KIAA1755: variants seen among roughly 807,000 people sequenced by gnomAD.
KIAA1755 encodes the protein KIAA1755.
KIAA1755 carries 68 observed loss-of-function variants against 91.7 expected under a neutral mutation model. The ratio of observed to expected loss-of-function variants is 0.74; its 90% confidence interval spans 0.61 to 0.91. The LOEUF is 0.91. Among genes scored for constraint, KIAA1755 ranks in the 40% least tolerant of loss-of-function variants. The pLI, the probability that KIAA1755 is intolerant of heterozygous loss-of-function variation, is 0.00. For missense variants in KIAA1755, 1,535 were observed against 1,494.4 expected, an observed-to-expected ratio of 1.03 and a Z score of -0.45; for synonymous variants, 610 against 604.6, an observed-to-expected ratio of 1.01 and a Z score of -0.13.
At chr20:38,234,686 C>G (rs2075927398) in intron 4 of KIAA1755, among the ~76,000 whole-genome samples, 1 of 152,192 alleles carries the variant, frequency 6.6e-6, no homozygotes. Flanking sequence ...TTCACACACT[C>G]AGGACATTCC....
chr20:38,217,930 G>A (rs2075580813), intron 12 of KIAA1755: 1 of 431,898 alleles, frequency 2.3e-6, no homozygotes, highest in Non-Finnish European at 4.2e-6. Flanking sequence ...ATCGCATCAC[G>A]TTGATGCAGC....
intron 10 of KIAA1755, among the ~76,000 whole-genome samples, chr20:38,220,031 G>A (rs1014879063): frequency 6.6e-6 from 1 of 152,216 alleles, no homozygotes; most frequent in Admixed American, 6.5e-5. Context: ...ACAGATCTGG[G>A]TTCAAAGCCC....
At chr20:38,249,765 G>A (rs1030862900) in intron 1 of KIAA1755, among the ~76,000 whole-genome samples, 2 of 152,060 alleles carry the variant, frequency 1.3e-5, no homozygotes, top group African/African-American at 4.8e-5. Context: ...AACAGGGAAG[G>A]TCTCATCTGG....
At chr20:38,226,399 G>C (rs1600589379) in intron 7 of KIAA1755, among the ~76,000 whole-genome samples, 1 of 152,296 alleles carries the variant, frequency 6.6e-6, no homozygotes, top group Non-Finnish European at 1.5e-5. Flanking sequence ...CCATGGGCCA[G>C]CATCGCCGGC....
At chr20:38,231,392 G>C in intron 4 of KIAA1755, 67 bp from the exon 5 acceptor site, 1 of 1,491,580 alleles carries the variant, frequency 6.7e-7, no homozygotes, top group Non-Finnish European at 8.9e-7. Flanking sequence ...CCTCTCCTGT[G>C]GCCTGCAGAC....
intron 1 of KIAA1755, among the ~76,000 whole-genome samples, chr20:38,250,516 G>C (rs894019109): frequency 2.0e-5 from 3 of 150,782 alleles, no homozygotes; most frequent in Non-Finnish European, 3.0e-5. Flanking sequence ...GTGTGTCTGT[G>C]TGTGTGTGTG....
At chr20:38,242,472 G>C (rs2076086488) in intron 2 of KIAA1755, among the ~76,000 whole-genome samples, 1 of 152,130 alleles carries the variant, frequency 6.6e-6, no homozygotes, top group South Asian at 2.1e-4. Flanking sequence ...TTATATCCTG[G>C]TAAATCCATC....
At chr20:38,239,828 C>G in intron 3 of KIAA1755, 103 bp from the exon 4 acceptor site, 1 of 1,049,770 alleles carries the variant, frequency 9.5e-7, no homozygotes, top group Non-Finnish European at 1.4e-6. Flanking sequence ...TAGCTTACAA[C>G]TATTGATCTC....
intron 1 of KIAA1755, among the ~76,000 whole-genome samples, chr20:38,251,645 A>G (rs2076250937): frequency 6.6e-6 from 1 of 150,440 alleles, no homozygotes; most frequent in South Asian, 2.1e-4. Flanking sequence ...GGCTCACTGC[A>G]ACCTCCGCCT....
At chr20:38,217,564 C>A (rs570790055) in intron 12 of KIAA1755, 90 bp from the exon 13 acceptor site, 3 of 915,414 alleles carry the variant, frequency 3.3e-6, no homozygotes, top group East Asian at 2.6e-5. Context: ...GCCTTGCTGG[C>A]GAGCCAGGAG....
intron 9 of KIAA1755, 196 bp from the exon 10 acceptor site, chr20:38,222,793 C>A (rs1176236842): frequency 1.6e-5 from 10 of 635,000 alleles, no homozygotes; most frequent in Non-Finnish European, 2.8e-5. Context: ...ATTGGTCCAC[C>A]CTCCAGCATC....
At chr20:38,247,980 C>A (rs1200333965) in intron 1 of KIAA1755, among the ~76,000 whole-genome samples, 3 of 152,162 alleles carry the variant, frequency 2.0e-5, no homozygotes, top group Non-Finnish European at 4.4e-5. Flanking sequence ...TGTATCCCAG[C>A]ACTTTGGGAG....
At chr20:38,227,606 T>G (rs984513449) in intron 6 of KIAA1755, among the ~76,000 whole-genome samples, 1 of 152,242 alleles carries the variant, frequency 6.6e-6, no homozygotes, top group African/African-American at 2.4e-5. Flanking sequence ...TCTCAGCTCA[T>G]GAGCTTTATG....
chr20:38,227,301 T>C lies in KIAA1755; in HGVS notation c.1966-61A>G, dbSNP rs956440623. 3 of 1,313,736 alleles carry C rather than the reference T, an allele frequency of 2.3e-6. No homozygotes were observed. In the African/African-American group the frequency reaches 4.4e-5, roughly 19 times the overall value. The allele number at this position is 1,313,736 out of a possible 1,614,324, so 81.4% of individuals were successfully genotyped here. A position where few individuals can be genotyped will look rare whatever the true frequency, so the allele number is the denominator to read the frequency against. Reference sequence around the variant, plus strand: ...AAGGCTTCATGAAGCCTCACACACTTTGATTTCCTCCTTCATCCCCTGTAA... The same window carrying C: ...AAGGCTTCATGAAGCCTCACACACTCTGATTTCCTCCTTCATCCCCTGTAA... On this transcript the variant is annotated intron_variant, in intron 6 of 13. Transcript: ENST00000279024.
rs192408241 is a variant in KIAA1755 at position 38,244,692 on chromosome 20, C to T, written c.201+1237G>A. ...CTTGGTCTCCTCAGGCTTCTCTCAT[C>T]CTTTTCTGTTTTTTGTTTTTTGTTT... On this transcript the variant is annotated intron_variant, in intron 2 of 13. Transcript: ENST00000279024. Among the ~76,000 whole-genome samples the T allele has an allele frequency of 3.7e-3, 559 of 151,550 alleles. 5 individuals are homozygous for T. The highest frequency in any genetic ancestry group is 0.013 in the African/African-American group (521 of 41,112).
In KIAA1755 at chr20:38,223,762, A is replaced by G. The variant is rs772958500; in HGVS notation, c.2170-126T>C. 7.4e-5 allele frequency: 49 copies of G among 665,802 alleles called. No individual in the cohort carries two copies. In the South Asian group the frequency reaches 7.5e-4, roughly 10 times the overall value. The allele number at this position is 665,802 out of a possible 1,614,324, so 41.2% of individuals were successfully genotyped here. ...CTCCAACTCCAGGTGCATCAGAAGCATCTGGAGAGCTGGTTAAAACACAGG... is the reference window on the plus strand; with the variant it reads ...CTCCAACTCCAGGTGCATCAGAAGCGTCTGGAGAGCTGGTTAAAACACAGG... On this transcript the variant is annotated intron_variant, in intron 8 of 13. Transcript: ENST00000279024.
chr20:38,251,799 C>T (rs1011241907), intron 1 of KIAA1755, among the ~76,000 whole-genome samples: 1 of 152,182 alleles, frequency 6.6e-6, no homozygotes, highest in Non-Finnish European at 1.5e-5. Flanking sequence ...CTCCTGACCT[C>T]AGGTGATCCG....
chr20:38,254,873 A>G (rs1282176948), intron 1 of KIAA1755, among the ~76,000 whole-genome samples: 2 of 151,386 alleles, frequency 1.3e-5, no homozygotes, highest in African/African-American at 4.9e-5. Flanking sequence ...AGTTGGTGAG[A>G]AGGTTTAAAA....
chr20:38,239,629 G>A lies in KIAA1755; in HGVS notation c.1646C>T (p.Pro549Leu), dbSNP rs746213936. ...AALPEASAGS[P>L]ERGPTLEEEP... ...CTCCTCCAGGGTGGGGCCTCTTTCTGGGGAGCCTGCAGAAGCTTCTGGCAA... is the reference window on the plus strand; with the variant it reads ...CTCCTCCAGGGTGGGGCCTCTTTCTAGGGAGCCTGCAGAAGCTTCTGGCAA... The change falls in exon 4 of 14, where the codon CCA becomes CTA. Residue 549 changes from proline (P) to leucine (L), a missense_variant. Pro to Leu is a moderately conservative substitution (Grantham distance 98). Transcript: ENST00000279024. The A allele has an allele frequency of 1.9e-6, 3 of 1,605,652 alleles. No homozygotes were observed. Among genetic ancestry groups the A allele is most frequent in the African/African-American group, 1.3e-5 (1 of 74,302 alleles).
Sources: gnomAD v4.1 joint callset for allele counts (sites outside exome capture counted in the v4.1 genomes callset) on GRCh38, gnomAD v4.1.1 for gene constraint, MANE v1.5 for transcripts, NCBI Gene and HGNC (gene_info 2026-07-23, HGNC 2026-07-21) for gene names.